SLC4A10: variants seen among roughly 807,000 people sequenced by gnomAD.
SLC4A10 encodes solute carrier family 4 member 10.
SLC4A10 carries 42 observed loss-of-function variants against 137.7 expected under a neutral mutation model. That is an observed-to-expected ratio of 0.30 (90% CI 0.24 to 0.39). The LOEUF is 0.39. SLC4A10 is among the 10% of genes least tolerant of loss of function. The pLI, the probability that SLC4A10 is intolerant of heterozygous loss-of-function variation, is 1.00. For missense variants in SLC4A10, 925 were observed against 1,355.0 expected, an observed-to-expected ratio of 0.68 and a Z score of 4.98; for synonymous variants, 474 against 464.1, an observed-to-expected ratio of 1.02 and a Z score of -0.27.
intron 1 of SLC4A10, among the ~76,000 whole-genome samples, chr2:161,665,456 G>A (rs894913360): frequency 4.0e-5 from 6 of 151,690 alleles, no homozygotes; most frequent in South Asian, 2.1e-4. Context: ...TAAATTCTGT[G>A]TGAAATGTTA....
At chr2:161,930,374 A>T (rs1690115798) in intron 15 of SLC4A10, among the ~76,000 whole-genome samples, 1 of 151,822 alleles carries the variant, frequency 6.6e-6, no homozygotes, top group Non-Finnish European at 1.5e-5. Flanking sequence ...GTAGTTTATA[A>T]CCCATAAAAC....
chr2:161,811,024 A>T (rs1303062722), intron 3 of SLC4A10, among the ~76,000 whole-genome samples: 6 of 151,720 alleles, frequency 4.0e-5, no homozygotes, highest in African/African-American at 7.3e-5. Flanking sequence ...AGGTTTTTTT[A>T]AAATTACCGA....
intron 15 of SLC4A10, among the ~76,000 whole-genome samples, chr2:161,914,926 G>A (rs907294808): frequency 1.3e-5 from 2 of 152,044 alleles, no homozygotes; most frequent in Non-Finnish European, 2.9e-5. Flanking sequence ...CCCCACTTTC[G>A]AGCCAAAAAG....
intron 1 of SLC4A10, among the ~76,000 whole-genome samples, chr2:161,746,766 T>C (rs2048427232): frequency 6.6e-6 from 1 of 152,152 alleles, no homozygotes; most frequent in Non-Finnish European, 1.5e-5. Flanking sequence ...TGCTGTTGTT[T>C]ATTCAAGGCC....
At chr2:161,887,565 G>C (rs2062450305) in intron 10 of SLC4A10, among the ~76,000 whole-genome samples, 1 of 152,166 alleles carries the variant, frequency 6.6e-6, no homozygotes, top group Non-Finnish European at 1.5e-5. Context: ...GACCAGTGAT[G>C]ATGAGCTTTT....
At chr2:161,682,010 A>T (rs897406033) in intron 1 of SLC4A10, among the ~76,000 whole-genome samples, 1 of 152,104 alleles carries the variant, frequency 6.6e-6, no homozygotes, top group Non-Finnish European at 1.5e-5. Context: ...GAGAATGAAG[A>T]CCTTCAGGGA....
At chr2:161,966,781 C>A (rs1172089497) in intron 23 of SLC4A10, among the ~76,000 whole-genome samples, 4 of 151,274 alleles carry the variant, frequency 2.6e-5, no homozygotes, top group African/African-American at 9.7e-5. Context: ...TTTTGATAGT[C>A]TCTATTTCTT....
intron 1 of SLC4A10, among the ~76,000 whole-genome samples, chr2:161,760,032 A>G (rs1574817883): frequency 6.6e-6 from 1 of 151,962 alleles, no homozygotes; most frequent in East Asian, 1.9e-4. Context: ...GTCTCATTCT[A>G]CTGTTTCAAA....
intron 1 of SLC4A10, among the ~76,000 whole-genome samples, chr2:161,634,626 T>G (rs1019180153): frequency 3.3e-5 from 5 of 152,032 alleles, no homozygotes; most frequent in South Asian, 2.1e-4. Context: ...GATATGATGT[T>G]TTGATACAAG....
At chr2:161,686,731 T>C (rs779878932) in intron 1 of SLC4A10, among the ~76,000 whole-genome samples, 7 of 152,196 alleles carry the variant, frequency 4.6e-5, no homozygotes, top group Non-Finnish European at 1.0e-4. Context: ...TGTAGAACAA[T>C]TTTTATTTTT....
intron 1 of SLC4A10, among the ~76,000 whole-genome samples, chr2:161,757,970 G>T (rs2049849114): frequency 6.6e-6 from 1 of 151,862 alleles, no homozygotes; most frequent in Non-Finnish European, 1.5e-5. Context: ...TATTAATCAA[G>T]AATCCTACGT....
chr2:161,710,471 A>T (rs2044155935), intron 1 of SLC4A10: 1 of 228,178 alleles, frequency 4.4e-6, no homozygotes, highest in Non-Finnish European at 9.0e-6. Context: ...TGTAAGGTGG[A>T]AAAAAATTAC....
intron 1 of SLC4A10, among the ~76,000 whole-genome samples, chr2:161,713,839 G>A (rs1432815824): frequency 4.0e-5 from 6 of 151,702 alleles, no homozygotes; most frequent in African/African-American, 1.5e-4. Context: ...TACACCAGAG[G>A]CATTTTAGTA....
chr2:161,679,096 C>T (rs1180917898), intron 1 of SLC4A10, among the ~76,000 whole-genome samples: 2 of 152,066 alleles, frequency 1.3e-5, no homozygotes, highest in Non-Finnish European at 2.9e-5. Context: ...ATTCCAGTTG[C>T]TCCACATACT....
At chr2:161,849,716 T>C (rs2059714951) in intron 4 of SLC4A10, among the ~76,000 whole-genome samples, 1 of 152,198 alleles carries the variant, frequency 6.6e-6, no homozygotes. Flanking sequence ...TTGATTTGCA[T>C]ATGTTGAACC....
intron 3 of SLC4A10, among the ~76,000 whole-genome samples, chr2:161,814,853 T>A (rs891964048): frequency 5.9e-5 from 9 of 152,072 alleles, no homozygotes; most frequent in South Asian, 2.1e-4. Flanking sequence ...GGATCAGTCA[T>A]ACCCCAAACC....
intron 3 of SLC4A10, among the ~76,000 whole-genome samples, chr2:161,805,594 A>G (rs1434721331): frequency 6.6e-6 from 1 of 152,206 alleles, no homozygotes; most frequent in African/African-American, 2.4e-5. Context: ...CAAAGGGGCT[A>G]CAGGCCCAAT....
chr2:161,966,382 AATG>A (rs1162828711), intron 23 of SLC4A10, among the ~76,000 whole-genome samples: 1 of 152,194 alleles, frequency 6.6e-6, no homozygotes, highest in Non-Finnish European at 1.5e-5. Context: ...TAACACAAAA[AATG>A]ATATTATACA....
intron 1 of SLC4A10, among the ~76,000 whole-genome samples, chr2:161,742,311 G>T (rs1437781102): frequency 2.0e-5 from 3 of 151,996 alleles, no homozygotes; most frequent in Non-Finnish European, 4.4e-5. Context: ...TCAATATACT[G>T]ATTTCCTTTC....
Sources: allele counts gnomAD v4.1 joint callset (sites outside exome capture counted in the v4.1 genomes callset), GRCh38; gene constraint gnomAD v4.1.1; transcripts MANE v1.5; gene names NCBI Gene and HGNC (gene_info 2026-07-23, HGNC 2026-07-21).